Variants in WASF2 observed in about 807,000 individuals in gnomAD.
WASF2 encodes WASP family member 2.
A neutral mutation model predicts 45.0 loss-of-function variants in WASF2; 14 were observed. The observed-to-expected ratio is 0.31, with a 90% confidence interval of 0.21 to 0.49. WASF2 has a LOEUF of 0.49. Among genes scored for constraint, WASF2 ranks in the 20% least tolerant of loss-of-function variants. The pLI is 0.99. For synonymous variants in WASF2, 200 were observed against 236.3 expected (o/e 0.85, Z 1.41); for missense variants, 439 against 636.1 (o/e 0.69, Z 3.33).
chr1:27,487,123 C>A (rs2017940193), intron 1 of WASF2, among the ~76,000 whole-genome samples: 1 of 144,944 alleles, frequency 6.9e-6, no homozygotes, highest in Non-Finnish European at 1.5e-5. Flanking sequence ...TTTTTTGAGA[C>A]GGAGTCTCGC....
At chr1:27,415,359 T>TTAAACAAAAC (rs2016813274) in intron 5 of WASF2, among the ~76,000 whole-genome samples, 1 of 152,094 alleles carries the variant, frequency 6.6e-6, no homozygotes, top group Non-Finnish European at 1.5e-5. Context: ...AGGAAATAGT[T>TTAAACAAAAC]TAAACAAAAC....
At chr1:27,485,135 A>T (rs1346721680) in intron 1 of WASF2, among the ~76,000 whole-genome samples, 1 of 151,982 alleles carries the variant, frequency 6.6e-6, no homozygotes, top group Non-Finnish European at 1.5e-5. Flanking sequence ...GGGCAATAAG[A>T]GCGAAACTTG....
At position 27,407,140 on chromosome 1, in the gene WASF2, T is replaced by C. The variant is rs2016688947; in HGVS notation, c.*1049A>G. On this transcript the variant is annotated 3_prime_UTR_variant, in exon 9 of 9. Transcript: ENST00000618852. Reference sequence around the variant, plus strand: ...ACTGGGACCCCAACCTATGGTGAGGTCTGGAGTAGCAATACAACTGAGAAA... The same window carrying C: ...ACTGGGACCCCAACCTATGGTGAGGCCTGGAGTAGCAATACAACTGAGAAA... The C allele has an allele frequency of 6.6e-6, 1 of 152,280 alleles. No individual in the cohort carries two copies. Among genetic ancestry groups the C allele is most frequent in the African/African-American group, 2.4e-5 (1 of 41,400 alleles). The allele number at this position is 152,280 out of a possible 1,614,324, so 9.4% of individuals were successfully genotyped here.
intron 1 of WASF2, among the ~76,000 whole-genome samples, chr1:27,488,921 AAG>A (rs1295695827): frequency 1.3e-5 from 2 of 152,268 alleles, no homozygotes; most frequent in African/African-American, 4.8e-5. Flanking sequence ...GTAAATTCTC[AAG>A]AGTCACTGTA....
chr1:27,431,899 A>G (rs960949500), intron 1 of WASF2, among the ~76,000 whole-genome samples: 1 of 152,272 alleles, frequency 6.6e-6, no homozygotes, highest in African/African-American at 2.4e-5. Context: ...AGGGTACTCG[A>G]GAAATAACAA....
At chr1:27,421,131 G>A (rs1357310738) in intron 2 of WASF2, among the ~76,000 whole-genome samples, 1 of 152,192 alleles carries the variant, frequency 6.6e-6, no homozygotes, top group Non-Finnish European at 1.5e-5. Context: ...GCAAGTCCTT[G>A]CATATTGATC....
intron 1 of WASF2, among the ~76,000 whole-genome samples, chr1:27,441,582 T>C (rs193232138): frequency 6.6e-6 from 1 of 151,586 alleles, no homozygotes; most frequent in Non-Finnish European, 1.5e-5. Context: ...TGAAACCCCA[T>C]CTCTACTAAA....
chr1:27,408,300 C>G lies in WASF2; in HGVS notation c.1386G>C (p.Arg462=). The G allele has an allele frequency of 6.2e-7, 1 of 1,614,168 alleles. No individual in the cohort carries two copies. Residue 462 remains arginine, a synonymous_variant, in exon 9 of 9, where the codon CGG becomes CGC. Coordinates refer to ENST00000618852, the MANE Select transcript of WASF2 (RefSeq NM_006990.5). ...RVEEQREQEK[R]DVVGNDVATI... Reference sequence around the variant, plus strand: ...TGGCCACGTCATTGCCCACAACATCCCGCTTCTCTTGTTCCCGCTGCTCCT... The same window carrying G: ...TGGCCACGTCATTGCCCACAACATCGCGCTTCTCTTGTTCCCGCTGCTCCT...
intron 1 of WASF2, among the ~76,000 whole-genome samples, chr1:27,468,921 CAAA>C (rs71010356): frequency 1.5e-4 from 12 of 77,786 alleles, no homozygotes; most frequent in Non-Finnish European, 2.3e-4. Flanking sequence ...GACTCTGTCT[CAAA>C]AAAAAAAAAA....
Position 27,418,854 on chromosome 1 carries a change from T to C in WASF2, c.265+100A>G. The C allele has an allele frequency of 2.1e-6, 3 of 1,417,024 alleles. No homozygotes were observed. In the South Asian group the frequency reaches 4.2e-5, roughly 20 times the overall value. 87.8% of individuals were successfully genotyped at this position (1,417,024 alleles called of 1,614,324 possible). On this transcript the variant is annotated intron_variant, in intron 3 of 8. Transcript: ENST00000618852. ...AGCAGAACTCTATAGGTCTCTGTGA[T>C]TTCTCTCCTCACGTTTTTTTTTTTT...
At chr1:27,423,036 G>A (rs1281810932) in intron 2 of WASF2, among the ~76,000 whole-genome samples, 5 of 151,532 alleles carry the variant, frequency 3.3e-5, no homozygotes, top group African/African-American at 1.2e-4. Flanking sequence ...AGCTACTCAG[G>A]AGGCTGATAC....
intron 1 of WASF2, among the ~76,000 whole-genome samples, chr1:27,474,962 C>T (rs1235570922): frequency 6.6e-6 from 1 of 151,218 alleles, no homozygotes; most frequent in East Asian, 2.0e-4. Context: ...AAAAACAAAA[C>T]AAAACAAAAC....
At chr1:27,469,784 A>G (rs542222823) in intron 1 of WASF2, among the ~76,000 whole-genome samples, 1 of 152,268 alleles carries the variant, frequency 6.6e-6, no homozygotes, top group South Asian at 2.1e-4. Context: ...TCTACTAAAA[A>G]TACAAAAATT....
chr1:27,477,994 G>C (rs1557622612), intron 1 of WASF2, among the ~76,000 whole-genome samples: 3 of 151,834 alleles, frequency 2.0e-5, no homozygotes, highest in Non-Finnish European at 4.4e-5. Context: ...GCTCATGCCT[G>C]TAATCCTAGC....
chr1:27,446,475 T>C (rs2017310823), intron 1 of WASF2, among the ~76,000 whole-genome samples: 1 of 152,126 alleles, frequency 6.6e-6, no homozygotes, highest in Admixed American at 6.5e-5. Context: ...AAAGCTTCAC[T>C]TGTAAAGACA....
chr1:27,467,877 A>G (rs905118552), intron 1 of WASF2, among the ~76,000 whole-genome samples: 2 of 151,688 alleles, frequency 1.3e-5, no homozygotes, highest in Non-Finnish European at 2.9e-5. Context: ...ACGCCACTGC[A>G]CTCCAGCCTG....
In WASF2 at chr1:27,456,734, T is replaced by TC. The variant is rs1234771702; in HGVS notation, c.-43-27802_-43-27801insG. 2.2e-5 allele frequency among the ~76,000 whole-genome samples: 3 copies of TC among 134,752 alleles called. No homozygotes were observed. The East Asian group carries it at 6.2e-4, about 28-fold the overall frequency. 88.4% of individuals were successfully genotyped at this position (134,752 alleles called of 152,430 possible). ...TTATTTAATAGTTAAAGGTTTTCTC[T>TC]TTTTTTTTTTTTTTTTTGGAGACAG... On this transcript the variant is annotated intron_variant, in intron 1 of 8. Transcript: ENST00000618852.
chr1:27,412,853 T>G (rs2016782812), intron 6 of WASF2, 126 bp from the exon 7 acceptor site: 6 of 1,048,648 alleles, frequency 5.7e-6, no homozygotes, highest in Non-Finnish European at 8.5e-6. Context: ...TAGGTATATT[T>G]CCCACATATT....
intron 4 of WASF2, 124 bp downstream of exon 4, chr1:27,418,142 CACA>C (rs908590536): frequency 1.4e-5 from 16 of 1,117,578 alleles, no homozygotes; most frequent in Non-Finnish European, 1.8e-5. Context: ...CAGAAACTAC[CACA>C]ACTTTGGGGT....
Sources: allele counts gnomAD v4.1 joint callset (sites outside exome capture counted in the v4.1 genomes callset), GRCh38; gene constraint gnomAD v4.1.1; transcripts MANE v1.5; gene names NCBI Gene and HGNC (gene_info 2026-07-23, HGNC 2026-07-21).